NALF1: variants seen among roughly 807,000 people sequenced by gnomAD.
The protein encoded by NALF1 is family with sequence similarity 155 member A.
A neutral mutation model predicts 48.4 loss-of-function variants in NALF1; 3 were observed. The observed-to-expected ratio is 0.06, with a 90% CI of 0.03 to 0.16. The LOEUF (loss-of-function observed/expected upper bound fraction) is 0.16. NALF1 is among the 10% of genes least tolerant of loss of function. The pLI is 1.00. For missense variants in NALF1, 526 were observed against 571.5 expected (o/e 0.92, Z 0.81); for synonymous variants, 262 against 245.7 (o/e 1.07, Z -0.62).
intron 1 of NALF1, among the ~76,000 whole-genome samples, chr13:107,378,233 T>C (rs556154186): frequency 2.6e-5 from 4 of 152,158 alleles, no homozygotes; most frequent in African/African-American, 9.7e-5. Flanking sequence ...ACCAAGAGGT[T>C]CTTACAAATA....
chr13:107,866,085 C>A lies in NALF1; in HGVS notation c.512G>T (p.Cys171Phe). The change falls in exon 1 of 3, where the codon TGT becomes TTT. Residue 171 changes from cysteine to phenylalanine, a missense_variant. By Grantham distance (205) the Cys-to-Phe change is radical. Transcript: ENST00000375915. The surrounding 1 kb of genome is among the most constrained non-coding windows in gnomAD (Gnocchi z 4.4). ...GCCCGAGGACGCGCCCTGGGGGTAA[C>A]AAGTCTCCAGGCGCCACACGGGCTT... ...SAKPVWRLET[C>F]YPQGASSGQC... 1 of 1,613,022 alleles carries A rather than the reference C, an allele frequency of 6.2e-7. No individual in the cohort carries two copies. Among genetic ancestry groups the A allele is most frequent in the Non-Finnish European group, 8.5e-7 (1 of 1,179,950 alleles).
chr13:107,168,781 G>A lies in NALF1; in HGVS notation c.*1716C>T, dbSNP rs1417480602. The A allele has an allele frequency of 6.6e-6, 1 of 152,500 alleles. No individual in the cohort carries two copies. The highest frequency in any genetic ancestry group is 1.5e-5 in the Non-Finnish European group (1 of 68,016). The allele number at this position is 152,500 out of a possible 1,614,324, so 9.4% of individuals were successfully genotyped here. A position where few individuals can be genotyped will look rare whatever the true frequency, so the allele number is the denominator to read the frequency against. ...TCGCAGGGTTAAGTATGATGCAGAG[G>A]TTAAAGTCTGTTTGAACAAAAACAA... On this transcript the variant is annotated 3_prime_UTR_variant, in exon 3 of 3. Coordinates refer to ENST00000375915, the MANE Select transcript of NALF1 (RefSeq NM_001080396.3).
At chr13:107,419,143 T>G (rs1470853619) in intron 1 of NALF1, among the ~76,000 whole-genome samples, 2 of 152,210 alleles carry the variant, frequency 1.3e-5, no homozygotes, top group East Asian at 3.9e-4. Context: ...TTGACTAGAT[T>G]TATTTTCTTC....
chr13:107,438,026 G>A (rs1884491179), intron 1 of NALF1, among the ~76,000 whole-genome samples: 2 of 152,146 alleles, frequency 1.3e-5, no homozygotes, highest in South Asian at 4.1e-4. Context: ...CATATGTGAT[G>A]GGTATGTGGA....
intron 2 of NALF1, among the ~76,000 whole-genome samples, chr13:107,188,041 G>A (rs768583992): frequency 1.3e-5 from 2 of 151,716 alleles, no homozygotes; most frequent in Non-Finnish European, 2.9e-5. Flanking sequence ...GTAAAATTTT[G>A]GCTTCAGATC....
chr13:107,422,986 T>A (rs1884217797), intron 1 of NALF1, among the ~76,000 whole-genome samples: 1 of 152,168 alleles, frequency 6.6e-6, no homozygotes, highest in Non-Finnish European at 1.5e-5. Flanking sequence ...TGCCGACACC[T>A]ACATTTTAGT....
At chr13:107,643,546 G>A (rs1026181935) in intron 1 of NALF1, among the ~76,000 whole-genome samples, 1 of 150,334 alleles carries the variant, frequency 6.7e-6, no homozygotes, top group Non-Finnish European at 1.5e-5. Flanking sequence ...ATTTGGTGGG[G>A]GGGGGGTGAA....
intron 1 of NALF1, among the ~76,000 whole-genome samples, chr13:107,297,175 T>A (rs532231719): frequency 2.4e-4 from 37 of 152,268 alleles, no homozygotes; most frequent in African/African-American, 8.7e-4. Flanking sequence ...TGGGCTTCAT[T>A]ATAACTTGAT....
At chr13:107,430,435 T>TC (rs1349167882) in intron 1 of NALF1, among the ~76,000 whole-genome samples, 1 of 151,902 alleles carries the variant, frequency 6.6e-6, no homozygotes, top group Non-Finnish European at 1.5e-5. Flanking sequence ...TGCTATCCCT[T>TC]CCCCCTCCCC....
At chr13:107,400,238 T>A (rs1306909550) in intron 1 of NALF1, among the ~76,000 whole-genome samples, 4 of 152,170 alleles carry the variant, frequency 2.6e-5, no homozygotes, top group Non-Finnish European at 5.9e-5. Context: ...TAGGCATGGA[T>A]TATTAAAGAG....
intron 1 of NALF1, among the ~76,000 whole-genome samples, chr13:107,858,643 C>T (rs559419710): frequency 1.6e-4 from 25 of 152,142 alleles, no homozygotes; most frequent in Admixed American, 7.2e-4. Flanking sequence ...ACTGAGATTG[C>T]GCCAATGCAC....
chr13:107,264,487 T>C (rs1039902522), intron 1 of NALF1, among the ~76,000 whole-genome samples: 2 of 152,198 alleles, frequency 1.3e-5, no homozygotes, highest in African/African-American at 4.8e-5. Flanking sequence ...TTCTTTTATT[T>C]GTTAATTACA....
intron 1 of NALF1, among the ~76,000 whole-genome samples, chr13:107,665,142 G>A (rs953273121): frequency 6.6e-6 from 1 of 152,176 alleles, no homozygotes; most frequent in Middle Eastern, 3.4e-3. Flanking sequence ...TAGAAGAAAT[G>A]TCTGTACTCA....
intron 1 of NALF1, among the ~76,000 whole-genome samples, chr13:107,308,776 T>C (rs1292674684): frequency 6.6e-6 from 1 of 152,238 alleles, no homozygotes; most frequent in Non-Finnish European, 1.5e-5. Context: ...ATGAAAACTA[T>C]TTATTAACCA....
chr13:107,721,562 G>C (rs1028924206), intron 1 of NALF1, among the ~76,000 whole-genome samples: 3 of 152,108 alleles, frequency 2.0e-5, no homozygotes, highest in African/African-American at 4.8e-5. Context: ...CTCTCTCTCC[G>C]TGTGGCCTCA....
chr13:107,531,737 T>C (rs1240797678), intron 1 of NALF1, among the ~76,000 whole-genome samples: 3 of 152,116 alleles, frequency 2.0e-5, no homozygotes, highest in Admixed American at 2.0e-4. Context: ...TCATCTTCTT[T>C]TGTTGTTGTT....
chr13:107,668,775 T>A (rs1406094363), intron 1 of NALF1, among the ~76,000 whole-genome samples: 2 of 152,060 alleles, frequency 1.3e-5, no homozygotes, highest in African/African-American at 2.4e-5. Context: ...ATTATAAATC[T>A]AATAGCTTTT....
chr13:107,781,184 T>A (rs1374725127), intron 1 of NALF1, among the ~76,000 whole-genome samples: 1 of 152,134 alleles, frequency 6.6e-6, no homozygotes, highest in Non-Finnish European at 1.5e-5. Context: ...ATATGAAAAA[T>A]TTCATTTTGT....
At chr13:107,719,798 C>A (rs528373394) in intron 1 of NALF1, among the ~76,000 whole-genome samples, 1 of 152,252 alleles carries the variant, frequency 6.6e-6, no homozygotes, top group Non-Finnish European at 1.5e-5. Flanking sequence ...CTCATTCAAC[C>A]CTTCATTGCC....
Sources: allele counts gnomAD v4.1 joint callset (sites outside exome capture counted in the v4.1 genomes callset), GRCh38; gene constraint gnomAD v4.1.1; non-coding constraint Gnocchi (gnomAD v3.1); transcripts MANE v1.5; gene names NCBI Gene and HGNC (gene_info 2026-07-23, HGNC 2026-07-21).